MTSS2: variants seen among roughly 807,000 people sequenced by gnomAD.
MTSS2 encodes the protein MTSS I-BAR domain containing 2.
A neutral mutation model predicts 67.1 loss-of-function variants in MTSS2; 27 were observed. The observed-to-expected ratio is 0.40, with a 90% CI of 0.30 to 0.55. The LOEUF (loss-of-function observed/expected upper bound fraction) is 0.55. MTSS2 is among the 20% of genes least tolerant of loss of function. The pLI, the probability that MTSS2 is intolerant of heterozygous loss-of-function variation, is 0.43. For synonymous variants in MTSS2, 624 were observed against 468.6 expected (o/e 1.33, Z -4.28); for missense variants, 1,171 against 1,067.8 (o/e 1.10, Z -1.35).
chr16:70,676,777 T>C, intron 10 of MTSS2, 104 bp downstream of exon 10: 1 of 970,830 alleles, frequency 1.0e-6, no homozygotes, highest in Non-Finnish European at 1.6e-6. Flanking sequence ...AAGTTGTGAA[T>C]TTTGAGGCCC....
chr16:70,680,573 T>TC (rs1265137277), intron 3 of MTSS2, among the ~76,000 whole-genome samples: 2 of 151,918 alleles, frequency 1.3e-5, no homozygotes, highest in Non-Finnish European at 2.9e-5. Context: ...AAAAAGGGAA[T>TC]CCCCGGGGAA....
chr16:70,680,908 C>CGGGGGTGGGG, intron 2 of MTSS2, 41 bp from the exon 3 acceptor site: 1 of 1,174,316 alleles, frequency 8.5e-7, no homozygotes, highest in South Asian at 1.5e-5. Context: ...GGTGGTTGGG[C>CGGGGGTGGGG]GGGGGGGGGG....
In MTSS2 at chr16:70,664,736, T is replaced by C; in HGVS notation, c.1333A>G (p.Ser445Gly). Residue 445 changes from serine to glycine, a missense_variant, in exon 14 of 15, where the codon AGT becomes GGT. By Grantham distance (56) the Ser-to-Gly change is moderately conservative. Around this residue, in one of 2 missense-constraint regions of MTSS2, gnomAD observed 924 missense variants for 756.0 expected, o/e 1.22. Transcript: ENST00000338779. The part of the protein sequence containing the change: ...KHGEEVSPAA[S>G]DLAMVLTRGL... ...CGCGTCAGCACCATGGCCAGGTCACTGGCGGCGGGGGACACCTCCTCACCG... is the reference window on the plus strand; with the variant it reads ...CGCGTCAGCACCATGGCCAGGTCACCGGCGGCGGGGGACACCTCCTCACCG... 1 of 1,612,574 alleles carries C rather than the reference T, an allele frequency of 6.2e-7. No homozygotes were observed. The highest frequency in any genetic ancestry group is 8.5e-7 in the Non-Finnish European group (1 of 1,179,596).
At chr16:70,678,020 A>G (rs951212674) in intron 8 of MTSS2, 121 bp from the exon 9 acceptor site, 11 of 975,958 alleles carry the variant, frequency 1.1e-5, no homozygotes, top group African/African-American at 9.7e-5. Flanking sequence ...TCGCTAACCA[A>G]TGCTGCTCGG....
chr16:70,663,664 G>T lies in MTSS2; in HGVS notation c.*13C>A. Reference sequence around the variant, plus strand: ...TCGCACTGGGGCCTGAGAGGATGGGGAGGGTGGCGCCATCATAAGATGCGG... The same window carrying T: ...TCGCACTGGGGCCTGAGAGGATGGGTAGGGTGGCGCCATCATAAGATGCGG... On this transcript the variant is annotated 3_prime_UTR_variant, in exon 15 of 15. Coordinates refer to ENST00000338779, the MANE Select transcript of MTSS2 (RefSeq NM_138383.3). The T allele has an allele frequency of 6.4e-7, 1 of 1,562,272 alleles. No individual in the cohort carries two copies. Among genetic ancestry groups the T allele is most frequent in the Non-Finnish European group, 8.7e-7 (1 of 1,154,586 alleles).
intron 11 of MTSS2, among the ~76,000 whole-genome samples, chr16:70,668,743 C>T (rs1469443714): frequency 6.6e-6 from 1 of 152,110 alleles, no homozygotes; most frequent in African/African-American, 2.4e-5. Flanking sequence ...GCTAGTTTGC[C>T]CCTTCCACCA....
chr16:70,664,218 G>A lies in MTSS2; in HGVS notation c.1703C>T (p.Pro568Leu). 6.3e-7 allele frequency: 1 copy of A among 1,582,444 alleles called. No individual in the cohort carries two copies. The highest frequency in any genetic ancestry group is 8.6e-7 in the Non-Finnish European group (1 of 1,169,322). ...PPGVATIRRTPSTKPTVRRAL... is the reference protein window; with the variant it reads ...PPGVATIRRTLSTKPTVRRAL... ...GCGGCGCACGGTGGGCTTGGTGGAG[G>A]GTGTGCGGCGGATGGTGGCCACGCC... The change falls in exon 15 of 15, where the codon CCC (proline) becomes CTC (leucine). Residue 568 changes from proline (P) to leucine (L), a missense_variant. Around this residue, in one of 2 missense-constraint regions of MTSS2, gnomAD observed 924 missense variants for 756.0 expected, o/e 1.22. Transcript: ENST00000338779.
intron 2 of MTSS2, 41 bp from the exon 3 acceptor site, chr16:70,680,908 C>A: frequency 8.5e-7 from 1 of 1,174,316 alleles, no homozygotes; most frequent in Non-Finnish European, 1.2e-6. Flanking sequence ...GGTGGTTGGG[C>A]GGGGGGGGGG....
intron 10 of MTSS2, among the ~76,000 whole-genome samples, chr16:70,676,183 C>T (rs1469912534): frequency 6.6e-6 from 1 of 152,252 alleles, no homozygotes; most frequent in Non-Finnish European, 1.5e-5. Context: ...GTCCTCCCCA[C>T]CCAAGGAAGC....
At chr16:70,669,848 C>T (rs889164347) in intron 11 of MTSS2, among the ~76,000 whole-genome samples, 14 of 151,244 alleles carry the variant, frequency 9.3e-5, no homozygotes, top group African/African-American at 2.4e-5. Flanking sequence ...GGTGTTCAAT[C>T]TCATTAGCAT....
At chr16:70,667,109 C>CA (rs1371239384) in intron 11 of MTSS2, among the ~76,000 whole-genome samples, 1 of 151,790 alleles carries the variant, frequency 6.6e-6, no homozygotes, top group Non-Finnish European at 1.5e-5. Flanking sequence ...CCTGACTCTA[C>CA]AAAAAATTAA....
chr16:70,681,381 G>A (rs1011048433), intron 1 of MTSS2, among the ~76,000 whole-genome samples: 2 of 152,230 alleles, frequency 1.3e-5, no homozygotes, highest in African/African-American at 4.8e-5. Context: ...CAGGGGATCT[G>A]GGCTGAGCCC....
In MTSS2 at chr16:70,685,885, G is replaced by C. The variant is rs977654211; in HGVS notation, c.-94C>G. The stretch of plus-strand genomic sequence containing the variant: ...GCCAGGCCGCGCGGGCGCTCGCTCC[G>C]AGGCCGGGCCGGGCCTCCCGCCTCC... On this transcript the variant is annotated 5_prime_UTR_variant, in exon 1 of 15. Coordinates refer to ENST00000338779, the MANE Select transcript of MTSS2 (RefSeq NM_138383.3). 2 of 667,576 alleles carry C rather than the reference G, an allele frequency of 3.0e-6. No individual in the cohort carries two copies. Among genetic ancestry groups the C allele is most frequent in the African/African-American group, 2.0e-5 (1 of 49,070 alleles). The allele number at this position is 667,576 out of a possible 1,614,324, so 41.4% of individuals were successfully genotyped here. A position where few individuals can be genotyped will look rare whatever the true frequency, so the allele number is the denominator to read the frequency against.
At chr16:70,679,406 C>G in intron 6 of MTSS2, 83 bp from the exon 7 acceptor site, 1 of 1,564,532 alleles carries the variant, frequency 6.4e-7, no homozygotes, top group Non-Finnish European at 8.8e-7. Flanking sequence ...AGAGCCACTC[C>G]TGGGGCGGGG....
intron 12 of MTSS2, 174 bp downstream of exon 12, chr16:70,665,292 T>C (rs1386216265): frequency 1.1e-6 from 1 of 904,592 alleles, no homozygotes; most frequent in Non-Finnish European, 1.6e-6. Flanking sequence ...GATGTGGCTG[T>C]GTGGGCAGTG....
intron 11 of MTSS2, chr16:70,665,985 A>G (rs1337656267): frequency 6.2e-6 from 1 of 162,242 alleles, no homozygotes; most frequent in Non-Finnish European, 1.3e-5. Context: ...AGGTCTCTGC[A>G]TGGATGCAAT....
rs1450419605 is a variant in MTSS2 at position 70,662,926 on chromosome 16, C to A, written c.*751G>T. ...ACCCCAGGGCCTCCGGCCTCCTAACCCTGCTGCCCTAGTTTCCAAAGAGCT... is the reference window on the plus strand; with the variant it reads ...ACCCCAGGGCCTCCGGCCTCCTAACACTGCTGCCCTAGTTTCCAAAGAGCT... On this transcript the variant is annotated 3_prime_UTR_variant, in exon 15 of 15. Transcript: ENST00000338779. The A allele has an allele frequency of 6.6e-6, 1 of 152,452 alleles. No individual in the cohort carries two copies. The highest frequency in any genetic ancestry group is 2.4e-5 in the African/African-American group (1 of 41,476). 9.4% of individuals were successfully genotyped at this position (152,452 alleles called of 1,614,324 possible). A position where few individuals can be genotyped will look rare whatever the true frequency, so the allele number is the denominator to read the frequency against.
Position 70,681,076 on chromosome 16 carries a change from G to C in MTSS2, c.70-51C>G, listed in dbSNP as rs2053291563. On this transcript the variant is annotated intron_variant, in intron 1 of 14. Transcript: ENST00000338779. ...GAGCTTCTTGTGGGGTGGTTGCAGGGCTTGACCTGGGCCGGGCTCCCTGCA... is the reference window on the plus strand; with the variant it reads ...GAGCTTCTTGTGGGGTGGTTGCAGGCCTTGACCTGGGCCGGGCTCCCTGCA... 3.9e-6 allele frequency: 6 copies of C among 1,545,898 alleles called. No individual in the cohort carries two copies. In the South Asian group the frequency reaches 6.0e-5, roughly 15 times the overall value.
At position 70,662,601 on chromosome 16, in the gene MTSS2, G is replaced by A. The variant is rs1455873073; in HGVS notation, c.*1076C>T. The stretch of plus-strand genomic sequence containing the variant: ...GCTCGAGACACTGGAGAGAACAGTA[G>A]CTTCCACCGGGCTCTGGGGGAGCCA... On this transcript the variant is annotated 3_prime_UTR_variant, in exon 15 of 15. Coordinates refer to ENST00000338779, the MANE Select transcript of MTSS2 (RefSeq NM_138383.3). 1 of 152,482 alleles carries A rather than the reference G, an allele frequency of 6.6e-6. No homozygotes were observed. Among genetic ancestry groups the A allele is most frequent in the African/African-American group, 2.4e-5 (1 of 41,398 alleles). The allele number at this position is 152,482 out of a possible 1,614,324, so 9.4% of individuals were successfully genotyped here.
Sources: gnomAD v4.1 joint callset for allele counts (sites outside exome capture counted in the v4.1 genomes callset) on GRCh38, gnomAD v4.1.1 for gene constraint, gnomAD v4.1.1 regional missense constraint, MANE v1.5 for transcripts, NCBI Gene and HGNC (gene_info 2026-07-23, HGNC 2026-07-21) for gene names.